SCN3A: variants seen among roughly 807,000 people sequenced by gnomAD.
SCN3A encodes the protein sodium voltage-gated channel alpha subunit 3.
A neutral mutation model predicts 187.6 loss-of-function variants in SCN3A; 60 were observed. That is an observed-to-expected ratio of 0.32 (90% CI 0.26 to 0.40). The LOEUF (loss-of-function observed/expected upper bound fraction) is 0.40, where lower values mean the gene tolerates loss of function less well. Among genes scored for constraint, SCN3A ranks in the 10% least tolerant of loss-of-function variants. The probability of loss-of-function intolerance (pLI) is 1.00; values close to 1 mark genes in which losing one functional copy is unlikely to be tolerated. For missense variants in SCN3A, 1,601 were observed against 2,428.2 expected (o/e 0.66, Z 7.16); for synonymous variants, 788 against 829.2 (o/e 0.95, Z 0.85).
chr2:165,201,410 C>T (rs762575952), intron 1 of SCN3A, among the ~76,000 whole-genome samples: 37 of 151,938 alleles, frequency 2.4e-4, no homozygotes, highest in Non-Finnish European at 4.6e-4. Flanking sequence ...CCAGCACTAA[C>T]GATAACAATA....
intron 18 of SCN3A, among the ~76,000 whole-genome samples, chr2:165,123,155 G>T (rs751581757): frequency 6.6e-6 from 1 of 151,622 alleles, no homozygotes. Context: ...AAAAAGATTC[G>T]CATAATTCCA....
intron 15 of SCN3A, among the ~76,000 whole-genome samples, chr2:165,136,659 C>A (rs73969192): frequency 3.3e-5 from 5 of 152,158 alleles, no homozygotes; most frequent in Admixed American, 2.0e-4. Flanking sequence ...CTTGAAGCAG[C>A]CTTTTTGGGT....
chr2:165,180,445 G>A (rs1690773469), intron 2 of SCN3A, among the ~76,000 whole-genome samples: 1 of 152,128 alleles, frequency 6.6e-6, no homozygotes. Context: ...ATGGTTTGGA[G>A]AAATTTCCCT....
intron 20 of SCN3A, among the ~76,000 whole-genome samples, chr2:165,113,310 G>A (rs1458610977): frequency 6.6e-6 from 1 of 152,040 alleles, no homozygotes; most frequent in Non-Finnish European, 1.5e-5. Flanking sequence ...CTCAATTACT[G>A]TTACAAAGAC....
chr2:165,169,066 C>T (rs929408079), intron 4 of SCN3A, among the ~76,000 whole-genome samples: 2 of 140,088 alleles, frequency 1.4e-5, no homozygotes, highest in African/African-American at 5.7e-5. Context: ...CTATTTGAAG[C>T]AAATGCAAGT....
chr2:165,153,987 A>ATT (rs71393659), intron 11 of SCN3A, among the ~76,000 whole-genome samples: 1,533 of 92,734 alleles, frequency 0.017, 107 homozygotes, highest in Middle Eastern at 0.056. Flanking sequence ...TATAGCAAAC[A>ATT]TTTTTTTTTT....
intron 27 of SCN3A, chr2:165,091,707 C>T: frequency 3.3e-6 from 1 of 298,964 alleles, no homozygotes; most frequent in Non-Finnish European, 6.3e-6. Flanking sequence ...TTTAATGATA[C>T]TCTTCAGTTA....
intron 11 of SCN3A, among the ~76,000 whole-genome samples, chr2:165,151,219 C>T (rs547148608): frequency 1.3e-5 from 2 of 152,030 alleles, no homozygotes; most frequent in Non-Finnish European, 2.9e-5. Flanking sequence ...TCTCCATTAC[C>T]CCAAAAAATG....
intron 9 of SCN3A, among the ~76,000 whole-genome samples, chr2:165,159,009 G>C (rs1412795070): frequency 7.3e-6 from 1 of 137,922 alleles, no homozygotes; most frequent in African/African-American, 2.9e-5. Flanking sequence ...TATTTTGTAA[G>C]AAACCGCCAA....
Position 165,140,821 on chromosome 2 carries a change from G to A in SCN3A, c.1849C>T (p.His617Tyr). 1 of 1,614,152 alleles carries A rather than the reference G, an allele frequency of 6.2e-7. No homozygotes were observed. The highest frequency in any genetic ancestry group is 8.5e-7 in the Non-Finnish European group (1 of 1,180,024). The part of the protein sequence containing the change: ...RRDSLFVPHR[H>Y]GERRNSNVSQ... ...ACGTTACTGTTGCGTCGCTCTCCAT[G>A]TCTGTGCGGCACAAACAGTGAGTCT... The change falls in exon 13 of 28, where the codon CAT (histidine) becomes TAT (tyrosine). Residue 617 changes from histidine (H) to tyrosine (Y), a missense_variant. By Grantham distance (83) the His-to-Tyr change is moderately conservative (BLOSUM62 2). Transcript: ENST00000283254. The surrounding 1 kb of genome is among the most constrained non-coding windows in gnomAD (Gnocchi z 4.2).
At chr2:165,115,235 TA>T (rs1686307622) in intron 19 of SCN3A, among the ~76,000 whole-genome samples, 1 of 141,778 alleles carries the variant, frequency 7.1e-6, no homozygotes, top group Admixed American at 7.2e-5. Flanking sequence ...TTTCTTTCTT[TA>T]TTTTTTTTTT....
chr2:165,110,307 T>C (rs1686056558), intron 21 of SCN3A, among the ~76,000 whole-genome samples: 1 of 152,212 alleles, frequency 6.6e-6, no homozygotes, highest in Admixed American at 6.5e-5. Flanking sequence ...AAAATATTTA[T>C]TGAATAAATG....
At chr2:165,177,230 G>A (rs1168688525) in intron 2 of SCN3A, among the ~76,000 whole-genome samples, 1 of 152,090 alleles carries the variant, frequency 6.6e-6, no homozygotes, top group Non-Finnish European at 1.5e-5. Context: ...CGTTTTCCCT[G>A]AATCTTCCAT....
Position 165,113,880 on chromosome 2 carries a change from A to G in SCN3A, c.3605T>C (p.Ile1202Thr), listed in dbSNP as rs1313037547. The G allele has an allele frequency of 6.2e-7, 1 of 1,613,846 alleles. No homozygotes were observed. Among genetic ancestry groups the G allele is most frequent in the African/African-American group, 1.3e-5 (1 of 74,928 alleles). Residue 1202 changes from isoleucine (I) to threonine (T), a missense_variant, in exon 20 of 28, where the codon ATT becomes ACT. Ile to Thr is a moderately conservative substitution (Grantham distance 89). This residue lies in a region of SCN3A where 267 missense variants were observed against 313.2 expected (regional missense o/e 0.85). Transcript: ENST00000283254. ...AGTCTCAAACCAGTTGTGCTCAACA[A>G]TACTGTAGCAGGTTTTTCGAAGATT... ...WWNLRKTCYS[I>T]VEHNWFETFI...
chr2:165,186,978 G>A lies in SCN3A; in HGVS notation c.-247-231C>T, dbSNP rs192111396. Among the ~76,000 whole-genome samples the A allele has an allele frequency of 8.7e-4, 132 of 152,282 alleles. 2 individuals carry two copies. In the Middle Eastern group the frequency reaches 0.024, roughly 27 times the overall value. ...AGGATCCTAGGGTTGGGACAGGGGTGCTCCCCCTTCTTTGGCAGCCTTGAT... is the reference window on the plus strand; with the variant it reads ...AGGATCCTAGGGTTGGGACAGGGGTACTCCCCCTTCTTTGGCAGCCTTGAT... On this transcript the variant is annotated intron_variant, in intron 1 of 27. Coordinates refer to ENST00000283254, the MANE Select transcript of SCN3A (RefSeq NM_006922.4).
Position 165,096,522 on chromosome 2 carries a change from T to C in SCN3A, c.4240-2A>G. 1 of 1,607,684 alleles carries C rather than the reference T, an allele frequency of 6.2e-7. No individual in the cohort carries two copies. Among genetic ancestry groups the C allele is most frequent in the Non-Finnish European group, 8.5e-7 (1 of 1,174,460 alleles). On this transcript the variant is annotated splice_acceptor_variant, in intron 23 of 27. Transcript: ENST00000283254. LOFTEE classifies it high-confidence loss of function. ...ATCCATCCAGCCTTTAAATGTGGCC[T>C]GTAAATAACATATATTTGAATTGTT...
chr2:165,153,714 C>A (rs555414251), intron 11 of SCN3A, among the ~76,000 whole-genome samples: 3 of 152,100 alleles, frequency 2.0e-5, no homozygotes, highest in African/African-American at 7.2e-5. Context: ...AAAGACTGGC[C>A]ATACCAAATG....
intron 1 of SCN3A, among the ~76,000 whole-genome samples, chr2:165,198,661 G>T (rs1485879535): frequency 6.6e-6 from 1 of 151,962 alleles, no homozygotes; most frequent in Admixed American, 6.6e-5. Flanking sequence ...TCACTTTCTA[G>T]TTCCTCAGGC....
intron 23 of SCN3A, 127 bp downstream of exon 23, chr2:165,097,125 A>G (rs1340287406): frequency 1.1e-6 from 1 of 872,788 alleles, no homozygotes; most frequent in Non-Finnish European, 1.8e-6. Flanking sequence ...AGCTGATATT[A>G]TAGGTGTTAT....
Sources: allele counts gnomAD v4.1 joint callset (sites outside exome capture counted in the v4.1 genomes callset), GRCh38; gene constraint gnomAD v4.1.1; regional missense constraint gnomAD v4.1.1; non-coding constraint Gnocchi (gnomAD v3.1); transcripts MANE v1.5; gene names NCBI Gene and HGNC (gene_info 2026-07-23, HGNC 2026-07-21).